SIK3: variants seen among roughly 807,000 people sequenced by gnomAD.
SIK3 encodes SIK family kinase 3.
A neutral mutation model predicts 144.2 loss-of-function variants in SIK3; 28 were observed. The ratio of observed to expected loss-of-function variants is 0.19; its 90% CI spans 0.14 to 0.27. The LOEUF (loss-of-function observed/expected upper bound fraction) is 0.27. Ranked by LOEUF, SIK3 falls within the 10% of genes least tolerant of loss-of-function variation. SIK3 has a pLI of 1.00. For synonymous variants in SIK3, 686 were observed against 676.3 expected, an observed-to-expected ratio of 1.01 and a Z score of -0.22; for missense variants, 1,319 against 1,776.0, an observed-to-expected ratio of 0.74 and a Z score of 4.62.
At chr11:117,006,965 A>G (rs945818531) in intron 1 of SIK3, among the ~76,000 whole-genome samples, 1 of 152,252 alleles carries the variant, frequency 6.6e-6, no homozygotes, top group Non-Finnish European at 1.5e-5. Flanking sequence ...AGAGCAGCCA[A>G]ATTAATCCAG....
chr11:116,877,231 G>A (rs1388076521), intron 6 of SIK3, among the ~76,000 whole-genome samples, 189 bp from the exon 7 acceptor site: 1 of 152,160 alleles, frequency 6.6e-6, no homozygotes, highest in Admixed American at 6.5e-5. Context: ...GGCAGAGAGA[G>A]GTGGAGAAAA....
At chr11:116,962,335 A>G (rs549538922) in intron 1 of SIK3, among the ~76,000 whole-genome samples, 1 of 152,348 alleles carries the variant, frequency 6.6e-6, no homozygotes, top group South Asian at 2.1e-4. Context: ...CAAGACGAGA[A>G]AGAGGATCTC....
intron 3 of SIK3, among the ~76,000 whole-genome samples, chr11:116,951,597 A>C (rs1948938012): frequency 2.0e-5 from 3 of 152,126 alleles, no homozygotes; most frequent in Admixed American, 1.3e-4. Context: ...TCATCCCTTG[A>C]GGTACATTCA....
intron 1 of SIK3, among the ~76,000 whole-genome samples, chr11:116,987,034 A>T (rs2135540322): frequency 6.6e-6 from 1 of 152,326 alleles, no homozygotes; most frequent in African/African-American, 2.4e-5. Flanking sequence ...AGAGTCCTGG[A>T]GATTGATTGC....
chr11:116,947,841 GGC>G (rs1161887013), intron 3 of SIK3, among the ~76,000 whole-genome samples: 1 of 151,910 alleles, frequency 6.6e-6, no homozygotes, highest in Non-Finnish European at 1.5e-5. Context: ...TGGGATTACA[GGC>G]ATGAGCCACC....
At chr11:117,078,820 G>A (rs1325040773) in intron 1 of SIK3, among the ~76,000 whole-genome samples, 1 of 152,072 alleles carries the variant, frequency 6.6e-6, no homozygotes, top group East Asian at 1.9e-4. Context: ...CGACATCAGT[G>A]GGGTGCCAAC....
intron 6 of SIK3, among the ~76,000 whole-genome samples, chr11:116,886,428 T>C (rs1944821966): frequency 6.6e-6 from 1 of 152,192 alleles, no homozygotes; most frequent in Non-Finnish European, 1.5e-5. Flanking sequence ...AGTAAGCCTA[T>C]CAGGGCAGAG....
chr11:116,909,973 C>T (rs73590487), intron 4 of SIK3, among the ~76,000 whole-genome samples: 1 of 152,040 alleles, frequency 6.6e-6, no homozygotes, highest in African/African-American at 2.4e-5. Context: ...ATGAAGTTTC[C>T]AGTTATCATT....
At chr11:116,985,791 C>T (rs1950307256) in intron 1 of SIK3, among the ~76,000 whole-genome samples, 1 of 152,074 alleles carries the variant, frequency 6.6e-6, no homozygotes, top group Non-Finnish European at 1.5e-5. Flanking sequence ...TCTTCTAGTA[C>T]AGATTAGAAG....
intron 6 of SIK3, among the ~76,000 whole-genome samples, chr11:116,886,750 G>C (rs1387659073): frequency 8.9e-6 from 1 of 112,956 alleles, no homozygotes; most frequent in East Asian, 2.1e-4. Flanking sequence ...TAAGTATGTT[G>C]TTAAAAAAAT....
At chr11:116,897,678 C>G (rs1020358254) in intron 4 of SIK3, among the ~76,000 whole-genome samples, 1 of 152,132 alleles carries the variant, frequency 6.6e-6, no homozygotes, top group Non-Finnish European at 1.5e-5. Context: ...ATCACGAGGT[C>G]AGGAGATCAT....
intron 5 of SIK3, 25 bp downstream of exon 5, chr11:116,897,168 G>A (rs773837051): frequency 2.3e-5 from 37 of 1,610,784 alleles, no homozygotes; most frequent in Non-Finnish European, 3.1e-5. Flanking sequence ...AATGCTGTGG[G>A]GTATAAGAGA....
intron 1 of SIK3, among the ~76,000 whole-genome samples, chr11:116,987,893 T>C (rs1950374603): frequency 6.6e-6 from 1 of 152,210 alleles, no homozygotes; most frequent in Non-Finnish European, 1.5e-5. Context: ...AGCTGTTTGG[T>C]TGTATTCACA....
At chr11:117,045,147 C>G (rs1379937816) in intron 1 of SIK3, among the ~76,000 whole-genome samples, 2 of 152,152 alleles carry the variant, frequency 1.3e-5, no homozygotes, top group Non-Finnish European at 2.9e-5. Flanking sequence ...CAGAATCAGT[C>G]TTCTATTCTA....
intron 1 of SIK3, among the ~76,000 whole-genome samples, chr11:117,078,259 A>C (rs1455094642): frequency 6.6e-6 from 1 of 152,216 alleles, no homozygotes; most frequent in Admixed American, 6.5e-5. Flanking sequence ...AGGAGGCTAC[A>C]CTAAAGAATA....
At chr11:116,975,226 C>T (rs1949905063) in intron 1 of SIK3, among the ~76,000 whole-genome samples, 1 of 137,818 alleles carries the variant, frequency 7.3e-6, no homozygotes, top group Admixed American at 6.9e-5. Context: ...ACATACCATG[C>T]AATTCACCAA....
At chr11:117,029,747 C>T (rs571621698) in intron 1 of SIK3, among the ~76,000 whole-genome samples, 1 of 152,142 alleles carries the variant, frequency 6.6e-6, no homozygotes, top group East Asian at 1.9e-4. Context: ...ATACTGCCAT[C>T]AGTGGAGATG....
At chr11:117,006,946 A>C (rs1413231665) in intron 1 of SIK3, among the ~76,000 whole-genome samples, 1 of 152,268 alleles carries the variant, frequency 6.6e-6, no homozygotes, top group African/African-American at 2.4e-5. Context: ...TAGCAAAGCC[A>C]CCAATAACAG....
chr11:117,003,119 C>T (rs1650860148), intron 1 of SIK3, among the ~76,000 whole-genome samples: 1 of 152,226 alleles, frequency 6.6e-6, no homozygotes, highest in South Asian at 2.1e-4. Context: ...GTGCCTACCA[C>T]AGTAACATCT....
Sources: allele counts gnomAD v4.1 joint callset (sites outside exome capture counted in the v4.1 genomes callset), GRCh38; gene constraint gnomAD v4.1.1; transcripts MANE v1.5; gene names NCBI Gene and HGNC (gene_info 2026-07-23, HGNC 2026-07-21).